The following FANCC variants were observed in gnomAD, a reference collection of about 807,000 sequenced individuals.
FANCC encodes FA complementation group C, also known as Fanconi anemia group C protein.
Under a neutral mutation model 71.3 loss-of-function variants are expected in FANCC, and 55 were observed. The ratio of observed to expected loss-of-function variants is 0.77; its 90% CI spans 0.62 to 0.97. FANCC has a LOEUF of 0.97. FANCC is among the 50% of genes least tolerant of loss of function. The pLI, the probability that FANCC is intolerant of heterozygous loss-of-function variation, is 0.00. For missense variants in FANCC, 678 were observed against 670.9 expected (o/e 1.01, Z -0.12); for synonymous variants, 275 against 244.9 (o/e 1.12, Z -1.15).
At chr9:95,206,366 C>T (rs997474381) in intron 4 of FANCC, among the ~76,000 whole-genome samples, 2 of 151,990 alleles carry the variant, frequency 1.3e-5, no homozygotes, top group African/African-American at 2.4e-5. Flanking sequence ...TGCTGGATCT[C>T]GGTATCTGCC....
chr9:95,135,874 T>C (rs1368086052), intron 7 of FANCC, among the ~76,000 whole-genome samples: 1 of 152,154 alleles, frequency 6.6e-6, no homozygotes, highest in Non-Finnish European at 1.5e-5. Context: ...TAATCATGCC[T>C]CACAATAGGG....
intron 4 of FANCC, among the ~76,000 whole-genome samples, chr9:95,200,905 G>A (rs532810495): frequency 6.4e-4 from 97 of 152,204 alleles, no homozygotes; most frequent in Non-Finnish European, 1.1e-3. Flanking sequence ...GAATAAAACC[G>A]TCTCAATCAT....
intron 4 of FANCC, among the ~76,000 whole-genome samples, chr9:95,191,253 C>CA (rs1827081912): frequency 1.3e-5 from 2 of 151,616 alleles, no homozygotes; most frequent in Non-Finnish European, 2.9e-5. Flanking sequence ...CCTCCTATGG[C>CA]CCAGGGTGGG....
intron 1 of FANCC, among the ~76,000 whole-genome samples, chr9:95,275,842 G>A (rs993477025): frequency 6.6e-6 from 1 of 151,964 alleles, no homozygotes; most frequent in African/African-American, 2.4e-5. Context: ...AACTTCACAA[G>A]ACCTCAGTCT....
intron 1 of FANCC, among the ~76,000 whole-genome samples, chr9:95,272,354 A>G (rs1832790280): frequency 6.6e-6 from 1 of 152,176 alleles, no homozygotes; most frequent in South Asian, 2.1e-4. Flanking sequence ...GCTCAATGAT[A>G]TATTTTTCTA....
chr9:95,124,247 G>A (rs1276338379), intron 10 of FANCC, among the ~76,000 whole-genome samples: 1 of 152,034 alleles, frequency 6.6e-6, no homozygotes, highest in Non-Finnish European at 1.5e-5. Context: ...GCTTCACAGG[G>A]GCCGTGACAT....
chr9:95,207,222 C>T (rs1828187243), intron 4 of FANCC, among the ~76,000 whole-genome samples: 1 of 151,986 alleles, frequency 6.6e-6, no homozygotes, highest in African/African-American at 2.4e-5. Context: ...AAGAGCTGGC[C>T]ACAGCTTCTA....
intron 1 of FANCC, among the ~76,000 whole-genome samples, chr9:95,296,898 T>C (rs895311654): frequency 1.3e-5 from 2 of 152,238 alleles, no homozygotes; most frequent in Admixed American, 6.5e-5. Context: ...TATTTAGGAA[T>C]GGAGAAATGT....
intron 1 of FANCC, among the ~76,000 whole-genome samples, chr9:95,258,433 A>G (rs1289614105): frequency 1.3e-5 from 2 of 152,238 alleles, no homozygotes; most frequent in East Asian, 3.8e-4. Flanking sequence ...AACCAATGAC[A>G]AAAACCACAT....
chr9:95,210,159 G>C (rs1400827532), intron 4 of FANCC, among the ~76,000 whole-genome samples: 1 of 152,040 alleles, frequency 6.6e-6, no homozygotes, highest in Non-Finnish European at 1.5e-5. Flanking sequence ...TATTATTTAT[G>C]ACTAAATCAA....
chr9:95,107,615 A>G, intron 13 of FANCC: 2 of 416,020 alleles, frequency 4.8e-6, no homozygotes, highest in Non-Finnish European at 4.5e-6. Context: ...AGACTCGCCT[A>G]TCACAGCCAC....
intron 4 of FANCC, among the ~76,000 whole-genome samples, chr9:95,221,394 T>A (rs1829258121): frequency 6.6e-6 from 1 of 152,172 alleles, no homozygotes; most frequent in Non-Finnish European, 1.5e-5. Context: ...ATAAAACTTT[T>A]GGAAGAAAAC....
At chr9:95,249,464 C>CTAAATA in intron 1 of FANCC, 95 bp from the exon 2 acceptor site, 1 of 650,158 alleles carries the variant, frequency 1.5e-6, no homozygotes, top group South Asian at 1.8e-5. Flanking sequence ...TTACAAAGAA[C>CTAAATA]TAAAATAGCA....
At chr9:95,142,980 A>G (rs565736741) in intron 7 of FANCC, among the ~76,000 whole-genome samples, 1 of 152,216 alleles carries the variant, frequency 6.6e-6, no homozygotes, top group Non-Finnish European at 1.5e-5. Context: ...TTAAGGGCTC[A>G]GTCCCACAAG....
intron 3 of FANCC, among the ~76,000 whole-genome samples, chr9:95,246,660 G>C (rs1343091317): frequency 1.3e-5 from 2 of 152,144 alleles, no homozygotes; most frequent in Non-Finnish European, 2.9e-5. Flanking sequence ...TGAAGTAAGT[G>C]TATTAAAGGG....
intron 4 of FANCC, among the ~76,000 whole-genome samples, chr9:95,207,288 A>AT (rs1413969202): frequency 1.3e-5 from 2 of 152,180 alleles, no homozygotes; most frequent in Non-Finnish European, 2.9e-5. Context: ...AGCTATAAGA[A>AT]TTTTTTAAAA....
intron 4 of FANCC, among the ~76,000 whole-genome samples, chr9:95,194,186 G>T (rs1426332649): frequency 6.6e-6 from 1 of 152,158 alleles, no homozygotes; most frequent in Non-Finnish European, 1.5e-5. Flanking sequence ...TGGAGATGGA[G>T]GATTACTTTG....
Position 95,126,510 on chromosome 9 carries a change from G to A in FANCC, c.896+19C>T, listed in dbSNP as rs761112480. ...ACCTTTTTTACATCAATTACTAGAAGAAACAGTGTAACGTTTACCTGAACA... is the reference window on the plus strand; with the variant it reads ...ACCTTTTTTACATCAATTACTAGAAAAAACAGTGTAACGTTTACCTGAACA... On this transcript the variant is annotated intron_variant, in intron 9 of 14. Transcript: ENST00000289081. 3.7e-6 allele frequency: 6 copies of A among 1,611,300 alleles called. No individual in the cohort carries two copies. The highest frequency in any genetic ancestry group is 4.5e-5 in the East Asian group (2 of 44,854).
intron 14 of FANCC, among the ~76,000 whole-genome samples, chr9:95,102,457 G>A (rs2071135099): frequency 1.3e-5 from 2 of 152,224 alleles, no homozygotes; most frequent in Admixed American, 6.5e-5. Context: ...AAGAAAAAAG[G>A]GAAGGGTGAG....
Sources: allele counts gnomAD v4.1 joint callset (sites outside exome capture counted in the v4.1 genomes callset), GRCh38; gene constraint gnomAD v4.1.1; transcripts MANE v1.5; gene names NCBI Gene and HGNC (gene_info 2026-07-23, HGNC 2026-07-21).